The following DCDC2C variants were observed in gnomAD, a reference collection of about 807,000 sequenced individuals.
DCDC2C encodes the protein doublecortin domain containing 2C.
DCDC2C carries 44 observed loss-of-function variants against 45.0 expected under a neutral mutation model. The ratio of observed to expected loss-of-function variants is 0.98; its 90% CI spans 0.77 to 1.26. The LOEUF (loss-of-function observed/expected upper bound fraction) is 1.26. DCDC2C is among the 50% of genes most tolerant of loss of function. The probability of loss-of-function intolerance (pLI) is 0.00; values close to 1 mark genes in which losing one functional copy is unlikely to be tolerated. For missense variants in DCDC2C, 447 were observed against 468.9 expected (o/e 0.95, Z 0.43); for synonymous variants, 187 against 178.8 (o/e 1.05, Z -0.37).
At chr2:3,767,942 A>ATT (rs11404437) in intron 7 of DCDC2C, 62 bp downstream of exon 7, 35,300 of 1,085,382 alleles carry the variant, frequency 0.033, no homozygotes, top group South Asian at 0.038. Context: ...AGAACATGGG[A>ATT]TTTTTTTTTT....
chr2:3,711,567 C>T (rs185496636), intron 2 of DCDC2C, among the ~76,000 whole-genome samples: 5 of 152,292 alleles, frequency 3.3e-5, no homozygotes, highest in Admixed American at 2.6e-4. Flanking sequence ...GCAACTATAG[C>T]CTCATAGAGT....
chr2:3,772,068 C>T (rs6759159), intron 8 of DCDC2C, among the ~76,000 whole-genome samples: 1 of 152,126 alleles, frequency 6.6e-6, no homozygotes, highest in Non-Finnish European at 1.5e-5. Flanking sequence ...ACACTTTCTC[C>T]AGTGTAGTGG....
At chr2:3,808,764 A>G (rs1671319494) in intron 10 of DCDC2C, among the ~76,000 whole-genome samples, 1 of 152,180 alleles carries the variant, frequency 6.6e-6, no homozygotes, top group Non-Finnish European at 1.5e-5. Context: ...TTGAAGTCCA[A>G]TTTATCAATC....
chr2:3,812,756 C>T (rs945550932), intron 10 of DCDC2C, among the ~76,000 whole-genome samples: 2 of 152,096 alleles, frequency 1.3e-5, no homozygotes, highest in African/African-American at 2.4e-5. Context: ...GTAGCTGTGT[C>T]CCAGAGAGTC....
rs1302339656 is a variant in DCDC2C, at chr2:3,755,212, CATATGATGTGTGCATGATGTGT to C, written c.726+589_726+610del. ...ATGGATGCATATGTGTGCATGGGTG[CATATGATGTGTGCATGATGTGT>C]ATATGATGTGCATATGATGGGTACA... On this transcript the variant is annotated intron_variant, in intron 6 of 10. Coordinates refer to ENST00000399143, the MANE Select transcript of DCDC2C (RefSeq NM_001287444.2). Among the ~76,000 whole-genome samples the C allele has an allele frequency of 2.4e-3, 359 of 151,358 alleles. 1 individual carries two copies. The highest frequency in any genetic ancestry group is 8.5e-3 in the African/African-American group (349 of 41,220).
At chr2:3,785,739 G>A (rs975905380) in intron 10 of DCDC2C, among the ~76,000 whole-genome samples, 7 of 152,176 alleles carry the variant, frequency 4.6e-5, no homozygotes, top group African/African-American at 1.7e-4. Flanking sequence ...TTGTCTGAAT[G>A]TGTCAAGTTT....
Position 3,741,986 on chromosome 2 carries a change from C to T in DCDC2C, c.483C>T (p.Ser161=), listed in dbSNP as rs960819352. 9.0e-6 allele frequency: 14 copies of T among 1,548,414 alleles called. No homozygotes were observed. In the East Asian group the frequency reaches 9.8e-5, roughly 11 times the overall value. Residue 161 remains serine, a synonymous_variant, in exon 4 of 11, where the codon TCC becomes TCT. Transcript: ENST00000399143. The part of the protein sequence containing the change: ...AKIIIPKFSL[S]DWDIVLATIG... ...TCATTATACCCAAATTTAGTCTGTC[C>T]GATTGGGACATCGTGCTGGCCACGA... is the stretch of plus-strand genomic sequence containing the variant.
intron 9 of DCDC2C, among the ~76,000 whole-genome samples, chr2:3,784,519 G>T (rs998358275): frequency 5.9e-5 from 9 of 151,806 alleles, no homozygotes; most frequent in Non-Finnish European, 1.2e-4. Flanking sequence ...TGATTTTGGG[G>T]TGATGATTTT....
At chr2:3,830,949 C>T (rs927066634) in intron 10 of DCDC2C, among the ~76,000 whole-genome samples, 3 of 152,150 alleles carry the variant, frequency 2.0e-5, no homozygotes, top group Non-Finnish European at 4.4e-5. Context: ...TTAAACACAG[C>T]CTTTCTTCAG....
Position 3,847,983 on chromosome 2 carries a change from A to G in DCDC2C, c.*800A>G, listed in dbSNP as rs1325966548. ...ATACAGCCTGCAGAACTGTGAGCCA[A>G]TTAAACCTCTTTTCTTCATAAATTA... On this transcript the variant is annotated 3_prime_UTR_variant, in exon 11 of 11. Coordinates refer to ENST00000399143, the MANE Select transcript of DCDC2C (RefSeq NM_001287444.2). 6.6e-6 allele frequency among the ~76,000 whole-genome samples: 1 copy of G among 152,220 alleles called. No homozygotes were observed. The highest frequency in any genetic ancestry group is 2.1e-4 in the South Asian group (1 of 4,834).
At chr2:3,794,583 T>C (rs1004010066) in intron 10 of DCDC2C, among the ~76,000 whole-genome samples, 2 of 151,916 alleles carry the variant, frequency 1.3e-5, no homozygotes, top group African/African-American at 2.4e-5. Flanking sequence ...TTCTCATTGC[T>C]CAATTCCCAC....
intron 3 of DCDC2C, among the ~76,000 whole-genome samples, chr2:3,730,548 G>A (rs758625860): frequency 3.0e-4 from 46 of 152,130 alleles, no homozygotes; most frequent in Non-Finnish European, 5.3e-4. Context: ...GAAGAAGAGA[G>A]CCCCCTGCTT....
intron 2 of DCDC2C, among the ~76,000 whole-genome samples, chr2:3,719,979 C>T (rs1308747111): frequency 6.6e-6 from 1 of 152,156 alleles, no homozygotes; most frequent in African/African-American, 2.4e-5. Context: ...ACGACCCAGC[C>T]CGTGTGCCAG....
chr2:3,742,569 G>A (rs529437228), intron 4 of DCDC2C, among the ~76,000 whole-genome samples: 14 of 152,288 alleles, frequency 9.2e-5, no homozygotes, highest in African/African-American at 2.6e-4. Flanking sequence ...TCTGTGTCTC[G>A]GTTACCTTGG....
At chr2:3,774,770 ATT>A (rs5828891) in intron 8 of DCDC2C, among the ~76,000 whole-genome samples, 3 of 146,624 alleles carry the variant, frequency 2.0e-5, no homozygotes, top group East Asian at 2.0e-4. Flanking sequence ...TGAATTTTTG[ATT>A]TTTTTTTTTT....
rs1214159012 is a variant in DCDC2C at position 3,734,154 on chromosome 2, G to T, written c.416+7075G>T. Among the ~76,000 whole-genome samples, 1 of 152,208 alleles carries T rather than the reference G, an allele frequency of 6.6e-6. No individual in the cohort carries two copies. Among genetic ancestry groups the T allele is most frequent in the Non-Finnish European group, 1.5e-5 (1 of 68,044 alleles). ...ACCAACATCACGTACTGCCCCAAAG[G>T]CATGGCGGCTGTCAGCGTGGATGTT... On this transcript the variant is annotated intron_variant, in intron 3 of 10. Coordinates refer to ENST00000399143, the MANE Select transcript of DCDC2C (RefSeq NM_001287444.2). The surrounding 1 kb of genome is among the most constrained non-coding windows in gnomAD (Gnocchi z 4.2).
chr2:3,747,276 C>T lies in DCDC2C; in HGVS notation c.545+5228C>T, dbSNP rs115844034. Reference sequence around the variant, plus strand: ...CAGTGTCAGTCATGCTGCCCTGCATCGTGGGCACAAATGTCCCTTATCCAC... The same window carrying T: ...CAGTGTCAGTCATGCTGCCCTGCATTGTGGGCACAAATGTCCCTTATCCAC... On this transcript the variant is annotated intron_variant, in intron 4 of 10. Coordinates refer to ENST00000399143, the MANE Select transcript of DCDC2C (RefSeq NM_001287444.2). 4.4e-3 allele frequency among the ~76,000 whole-genome samples: 676 copies of T among 152,296 alleles called. 9 individuals are homozygous for T. Among genetic ancestry groups the T allele is most frequent in the African/African-American group, 0.014 (567 of 41,564 alleles).
intron 10 of DCDC2C, among the ~76,000 whole-genome samples, chr2:3,838,356 G>C (rs1196454681): frequency 1.3e-5 from 2 of 152,004 alleles, no homozygotes; most frequent in African/African-American, 4.8e-5. Flanking sequence ...TCTGTGGTAA[G>C]GAGCAGGATC....
intron 2 of DCDC2C, among the ~76,000 whole-genome samples, chr2:3,711,492 A>G (rs919119963): frequency 1.2e-4 from 18 of 152,218 alleles, no homozygotes; most frequent in Admixed American, 2.6e-4. Context: ...TATTCTTTGC[A>G]GGGACATGGA....
Sources: allele counts gnomAD v4.1 joint callset (sites outside exome capture counted in the v4.1 genomes callset), GRCh38; gene constraint gnomAD v4.1.1; non-coding constraint Gnocchi (gnomAD v3.1); transcripts MANE v1.5; gene names NCBI Gene and HGNC (gene_info 2026-07-23, HGNC 2026-07-21).